The following SUGCT variants were observed in gnomAD, a reference collection of about 807,000 sequenced individuals.
SUGCT encodes the protein succinyl-CoA:glutarate-CoA transferase, also known as succinyl-CoA:glutarate CoA-transferase.
A neutral mutation model predicts 55.0 loss-of-function variants in SUGCT; 41 were observed. That is an observed-to-expected ratio of 0.74 (90% confidence interval 0.58 to 0.97). The LOEUF is 0.97. Among genes scored for constraint, SUGCT ranks in the 50% least tolerant of loss-of-function variants. SUGCT has a pLI of 0.00. For missense variants in SUGCT, 568 were observed against 547.8 expected (o/e 1.04, Z -0.37); for synonymous variants, 187 against 200.4 (o/e 0.93, Z 0.56).
chr7:41,026,930 G>A, the SUGCT span, among the ~76,000 whole-genome samples: 3 of 152,116 alleles, frequency 2.0e-5, no homozygotes, highest in African/African-American at 4.8e-5. Context: ...TACTCAGGAG[G>A]CTGAGGCAGG....
At chr7:40,639,268 C>T (rs184825590) in intron 12 of SUGCT, among the ~76,000 whole-genome samples, 9 of 152,206 alleles carry the variant, frequency 5.9e-5, no homozygotes, top group Admixed American at 4.6e-4. Flanking sequence ...CCTAATTTAC[C>T]GCTACATTCC....
chr7:40,308,073 A>G (rs182745522), intron 8 of SUGCT, among the ~76,000 whole-genome samples: 2 of 152,292 alleles, frequency 1.3e-5, no homozygotes, highest in African/African-American at 4.8e-5. Context: ...GGATGTGAGA[A>G]TTTATTGATT....
At chr7:40,895,966 C>T in the SUGCT span, among the ~76,000 whole-genome samples, 2 of 152,262 alleles carry the variant, frequency 1.3e-5, no homozygotes, top group African/African-American at 4.8e-5. Context: ...ACTCTTGTCT[C>T]TTGTATTTAA....
At chr7:40,255,002 G>A (rs1478815981) in intron 7 of SUGCT, among the ~76,000 whole-genome samples, 2 of 150,724 alleles carry the variant, frequency 1.3e-5, no homozygotes, top group Middle Eastern at 3.2e-3. Context: ...GGCGGGGGGA[G>A]CATCATCTGA....
At chr7:40,806,928 G>A (rs2128753994) in intron 13 of SUGCT, among the ~76,000 whole-genome samples, 1 of 152,240 alleles carries the variant, frequency 6.6e-6, no homozygotes, top group East Asian at 1.9e-4. Flanking sequence ...GCAGTCTCTG[G>A]CTTCACCTCT....
At position 40,685,628 on chromosome 7, in the gene SUGCT, C is replaced by T. The variant is rs139557576; in HGVS notation, c.1090-63806C>T. ...ATCTTTTGATTGTGGATTTTTTTCC[C>T]GTCTAGAAACTTTAAAAATAATCTT... On this transcript the variant is annotated intron_variant, in intron 12 of 13. Transcript: ENST00000335693. Among the ~76,000 whole-genome samples the T allele has an allele frequency of 1.6e-3, 248 of 152,236 alleles. 2 individuals carry two copies. Among genetic ancestry groups the T allele is most frequent in the African/African-American group, 5.8e-3 (241 of 41,542 alleles).
chr7:40,254,473 C>T (rs60416768), intron 7 of SUGCT, among the ~76,000 whole-genome samples: 9,977 of 151,754 alleles, frequency 0.066, 663 homozygotes, highest in African/African-American at 0.17. Flanking sequence ...TCTCGGCTCT[C>T]CGCAACCTCT....
intron 13 of SUGCT, among the ~76,000 whole-genome samples, chr7:40,819,514 C>A (rs1291979745): frequency 2.0e-5 from 3 of 152,074 alleles, no homozygotes; most frequent in South Asian, 2.1e-4. Flanking sequence ...GCCAGTGATG[C>A]TGAGCATTTT....
At chr7:40,480,741 T>C (rs1457216391) in intron 11 of SUGCT, among the ~76,000 whole-genome samples, 5 of 152,138 alleles carry the variant, frequency 3.3e-5, no homozygotes, top group African/African-American at 9.7e-5. Flanking sequence ...TGATTTTTTT[T>C]CCCTATTGTT....
At chr7:40,455,534 A>C (rs1353143239) in intron 10 of SUGCT, among the ~76,000 whole-genome samples, 1 of 152,192 alleles carries the variant, frequency 6.6e-6, no homozygotes, top group Non-Finnish European at 1.5e-5. Flanking sequence ...CACTAATGAA[A>C]AGAAAACTGG....
intron 9 of SUGCT, among the ~76,000 whole-genome samples, chr7:40,427,686 T>A (rs1025677285): frequency 6.6e-6 from 1 of 152,114 alleles, no homozygotes; most frequent in African/African-American, 2.4e-5. Flanking sequence ...AGGCTGAATG[T>A]CCCATGCCAG....
chr7:40,844,045 C>G (rs775734537), intron 13 of SUGCT, among the ~76,000 whole-genome samples: 1 of 152,056 alleles, frequency 6.6e-6, no homozygotes, highest in Non-Finnish European at 1.5e-5. Flanking sequence ...CAAATCAACA[C>G]TGGAACCAGC....
chr7:40,677,986 G>T (rs1312748516), intron 12 of SUGCT, among the ~76,000 whole-genome samples: 1 of 152,172 alleles, frequency 6.6e-6, no homozygotes, highest in Non-Finnish European at 1.5e-5. Flanking sequence ...GCTTGACCTG[G>T]CTATTAGTGG....
intron 7 of SUGCT, among the ~76,000 whole-genome samples, chr7:40,258,103 T>C (rs1173836566): frequency 6.6e-6 from 1 of 152,162 alleles, no homozygotes; most frequent in African/African-American, 2.4e-5. Context: ...CTAAAATCTA[T>C]GCACATACTC....
rs77734260 is a variant in SUGCT, at chr7:40,256,625, T to C, written c.577-17888T>C. On this transcript the variant is annotated intron_variant, in intron 7 of 13. Coordinates refer to ENST00000335693, the MANE Select transcript of SUGCT (RefSeq NM_001193313.2). ...AAAGATTCAAGCCCTTTGTTTGGAC[T>C]GGGAATGAGGATTCTCAATGGTCAG... 5.3e-3 allele frequency among the ~76,000 whole-genome samples: 805 copies of C among 152,320 alleles called. 8 individuals carry two copies. The highest frequency in any genetic ancestry group is 0.018 in the African/African-American group (769 of 41,578).
chr7:40,480,307 T>C (rs1204931730), intron 11 of SUGCT, among the ~76,000 whole-genome samples: 2 of 152,162 alleles, frequency 1.3e-5, no homozygotes, highest in African/African-American at 4.8e-5. Flanking sequence ...GTGGCATCCC[T>C]GTGATGATCA....
the SUGCT span, among the ~76,000 whole-genome samples, chr7:40,891,850 A>T: frequency 6.6e-6 from 1 of 152,102 alleles, no homozygotes; most frequent in African/African-American, 2.4e-5. Flanking sequence ...TCTACTAAAA[A>T]TACAAAAATC....
At chr7:40,546,646 G>A (rs1213436223) in intron 12 of SUGCT, 1 of 152,194 alleles carries the variant, frequency 6.6e-6, no homozygotes, top group Non-Finnish European at 1.5e-5. Flanking sequence ...GACCCTGGAA[G>A]ATTTATGATC....
the SUGCT span, among the ~76,000 whole-genome samples, chr7:41,015,193 C>G: frequency 3.3e-5 from 5 of 152,008 alleles, no homozygotes; most frequent in Admixed American, 6.6e-5. Flanking sequence ...GAAGAAGAGG[C>G]TTCATTTTAG....
Sources: gnomAD v4.1 joint callset for allele counts (sites outside exome capture counted in the v4.1 genomes callset) on GRCh38, gnomAD v4.1.1 for gene constraint, MANE v1.5 for transcripts, NCBI Gene and HGNC (gene_info 2026-07-23, HGNC 2026-07-21) for gene names.